Variants in CAV1 observed in about 807,000 individuals in gnomAD.
CAV1 encodes caveolin-1.
Under a neutral mutation model 16.5 loss-of-function variants are expected in CAV1, and 10 were observed. The observed-to-expected ratio is 0.61, with a 90% CI of 0.37 to 1.03. The LOEUF is 1.03. Among genes scored for constraint, CAV1 ranks in the 50% least tolerant of loss-of-function variants. CAV1 has a pLI of 0.01. For synonymous variants in CAV1, 76 were observed against 85.1 expected, an observed-to-expected ratio of 0.89 and a Z score of 0.59; for missense variants, 212 against 232.8, an observed-to-expected ratio of 0.91 and a Z score of 0.58.
Position 116,559,107 on chromosome 7 carries a change from C to T in CAV1, c.357C>T (p.Phe119=), listed in dbSNP as rs201302545. ...IPMALIWGIY[F]AILSFLHIWA... ...TGGCACTCATCTGGGGCATTTACTT[C>T]GCCATTCTCTCTTTCCTGCACATCT... Residue 119 remains phenylalanine, a synonymous_variant, in exon 3 of 3, where the codon TTC becomes TTT. Coordinates refer to ENST00000341049, the MANE Select transcript of CAV1 (RefSeq NM_001753.5). 1.6e-4 allele frequency: 261 copies of T among 1,613,812 alleles called. No individual in the cohort carries two copies. Among genetic ancestry groups the T allele is most frequent in the Non-Finnish European group, 2.1e-4 (242 of 1,179,916 alleles).
intron 2 of CAV1, among the ~76,000 whole-genome samples, chr7:116,549,169 G>A (rs956551654): frequency 3.3e-5 from 5 of 152,082 alleles, no homozygotes; most frequent in South Asian, 2.1e-4. Flanking sequence ...AGGCACCAAA[G>A]GACAAAGTCA....
chr7:116,539,666 T>A (rs999032625), intron 2 of CAV1, among the ~76,000 whole-genome samples: 3 of 152,230 alleles, frequency 2.0e-5, no homozygotes, highest in Non-Finnish European at 4.4e-5. Context: ...TTAGACTTTT[T>A]TTTTAAGTCT....
intron 2 of CAV1, among the ~76,000 whole-genome samples, chr7:116,555,592 GAAAGAAAGAAAGAGAAAGAAAGAAAGA>G: frequency 6.1e-5 from 5 of 82,604 alleles, no homozygotes; most frequent in African/African-American, 1.9e-4. Context: ...AAGAAAGAAA[GAAAGAAAGAAAGAGAAAGAAAGAAAGA>G]AGGGAGGGAG....
At chr7:116,555,570 A>AGGG in intron 2 of CAV1, among the ~76,000 whole-genome samples, 1 of 93,330 alleles carries the variant, frequency 1.1e-5, no homozygotes, top group African/African-American at 4.5e-5. Flanking sequence ...GAAAGAAAGA[A>AGGG]AGAAAGAAAG....
At chr7:116,542,730 T>G (rs1185972618) in intron 2 of CAV1, 1 of 152,224 alleles carries the variant, frequency 6.6e-6, no homozygotes, top group Non-Finnish European at 1.5e-5. Flanking sequence ...GGTTCCTTCC[T>G]TTCCTTTGCC....
Position 116,560,258 on chromosome 7 carries a change from A to T in CAV1, c.*971A>T, listed in dbSNP as rs1794381025. 1 of 164,876 alleles carries T rather than the reference A, an allele frequency of 6.1e-6. No individual in the cohort carries two copies. The highest frequency in any genetic ancestry group is 6.4e-5 in the Admixed American group (1 of 15,624). 10.2% of individuals were successfully genotyped at this position (164,876 alleles called of 1,614,324 possible). A position where few individuals can be genotyped will look rare whatever the true frequency, so the allele number is the denominator to read the frequency against. On this transcript the variant is annotated 3_prime_UTR_variant, in exon 3 of 3. Coordinates refer to ENST00000341049, the MANE Select transcript of CAV1 (RefSeq NM_001753.5). ...CTCTCATCAACTGAATGAGGTCAGC[A>T]TGTCTATTCAGCTTCGTTTATTTTC...
rs951608418 is a variant in CAV1 at position 116,549,971 on chromosome 7, C to T, written c.196-8975C>T. Among the ~76,000 whole-genome samples, 9 of 152,072 alleles carry T rather than the reference C, an allele frequency of 5.9e-5. No homozygotes were observed. In the East Asian group the frequency reaches 7.7e-4, roughly 13 times the overall value. On this transcript the variant is annotated intron_variant, in intron 2 of 2. Transcript: ENST00000341049. ...GGGAAATAAAGGACTTTACAAAAGACGTAGAAGACAATTCTTAATATAAAA... is the reference window on the plus strand; with the variant it reads ...GGGAAATAAAGGACTTTACAAAAGATGTAGAAGACAATTCTTAATATAAAA...
At chr7:116,540,717 C>T (rs1031674223) in intron 2 of CAV1, among the ~76,000 whole-genome samples, 4 of 152,040 alleles carry the variant, frequency 2.6e-5, no homozygotes, top group African/African-American at 9.7e-5. Context: ...ATTACAATAG[C>T]CCATAAAAAT....
intron 2 of CAV1, among the ~76,000 whole-genome samples, chr7:116,528,340 A>C (rs942667796): frequency 6.6e-6 from 1 of 152,252 alleles, no homozygotes; most frequent in African/African-American, 2.4e-5. Flanking sequence ...GAAAAAAAAC[A>C]TAACAGGCTT....
chr7:116,535,913 A>G (rs994204761), intron 2 of CAV1, among the ~76,000 whole-genome samples: 5 of 152,150 alleles, frequency 3.3e-5, no homozygotes, highest in African/African-American at 1.2e-4. Context: ...TTAAGTTTTG[A>G]TGTTGTACAT....
rs1794361270 is a variant in CAV1, at chr7:116,559,462, T to G, written c.*175T>G. ...AAGTATTATGTCTCTTCTGAGCTAT[T>G]TCATCTATTTTTGGCAGTCTGAATT... On this transcript the variant is annotated 3_prime_UTR_variant, in exon 3 of 3. Coordinates refer to ENST00000341049, the MANE Select transcript of CAV1 (RefSeq NM_001753.5). 6 of 616,730 alleles carry G rather than the reference T, an allele frequency of 9.7e-6. No homozygotes were observed. Among genetic ancestry groups the G allele is most frequent in the Non-Finnish European group, 1.7e-5 (6 of 352,022 alleles). The allele number at this position is 616,730 out of a possible 1,614,324, so 38.2% of individuals were successfully genotyped here.
chr7:116,558,604 T>C (rs1482583654), intron 2 of CAV1, among the ~76,000 whole-genome samples: 1 of 147,952 alleles, frequency 6.8e-6, no homozygotes, highest in Non-Finnish European at 1.5e-5. Flanking sequence ...AAAAAAAGGA[T>C]TAGCCAAGTG....
intron 2 of CAV1, among the ~76,000 whole-genome samples, chr7:116,539,188 C>A (rs1793887160): frequency 6.6e-6 from 1 of 152,170 alleles, no homozygotes; most frequent in Non-Finnish European, 1.5e-5. Context: ...GAATCAGCAT[C>A]TCTTCTCCTT....
chr7:116,555,508 G>GA (rs1229389917), intron 2 of CAV1, among the ~76,000 whole-genome samples: 184 of 7,058 alleles, frequency 0.026, 37 homozygotes, highest in East Asian at 0.15. Context: ...AAGAAAGAAA[G>GA]AAAGAAAGAA....
chr7:116,533,158 G>A (rs372452973), intron 2 of CAV1, among the ~76,000 whole-genome samples: 5 of 152,010 alleles, frequency 3.3e-5, no homozygotes, highest in East Asian at 3.9e-4. Context: ...TGGCCAACAC[G>A]GTGAAACCCC....
At chr7:116,543,675 C>A (rs1479165449) in intron 2 of CAV1, among the ~76,000 whole-genome samples, 1 of 152,166 alleles carries the variant, frequency 6.6e-6, no homozygotes, top group Non-Finnish European at 1.5e-5. Flanking sequence ...TCTTAGTTCA[C>A]ATGACAGAGA....
intron 2 of CAV1, among the ~76,000 whole-genome samples, chr7:116,552,885 G>A (rs915612938): frequency 6.6e-6 from 1 of 152,126 alleles, no homozygotes; most frequent in Non-Finnish European, 1.5e-5. Context: ...TGAAATCAAA[G>A]GATTATTACC....
chr7:116,526,750 G>A (rs1793572058), intron 2 of CAV1, 61 bp downstream of exon 2: 2 of 1,597,404 alleles, frequency 1.3e-6, no homozygotes, highest in Non-Finnish European at 1.7e-6. Flanking sequence ...GTTAGCCCGT[G>A]CATCCTTCTT....
rs143859869 is a variant in CAV1 at position 116,528,120 on chromosome 7, G to C, written c.195+1431G>C. 7.4e-5 allele frequency among the ~76,000 whole-genome samples: 11 copies of C among 147,982 alleles called. 1 individual carries two copies. The East Asian group carries it at 2.2e-3, about 30-fold the overall frequency. On this transcript the variant is annotated intron_variant, in intron 2 of 2. Transcript: ENST00000341049. ...CATGTGGCTTTGAACAAGAAGGAGA[G>C]TTGCCAGGAAAAGAGGCAGATTTCA... is the stretch of plus-strand genomic sequence containing the variant.
Sources: gnomAD v4.1 joint callset for allele counts (sites outside exome capture counted in the v4.1 genomes callset) on GRCh38, gnomAD v4.1.1 for gene constraint, MANE v1.5 for transcripts, NCBI Gene and HGNC (gene_info 2026-07-23, HGNC 2026-07-21) for gene names.